Variants in TSPYL2 observed in about 807,000 individuals in gnomAD.
TSPYL2 encodes the protein testis-specific Y-encoded-like protein 2.
Under a neutral mutation model 33.0 loss-of-function variants are expected in TSPYL2, and 9 were observed. The observed-to-expected ratio is 0.27, with a 90% CI of 0.16 to 0.48. The LOEUF is 0.48. TSPYL2 is among the 20% of genes least tolerant of loss of function. The pLI, the probability that TSPYL2 is intolerant of heterozygous loss-of-function variation, is 0.99. For missense variants in TSPYL2, 636 were observed against 586.2 expected (o/e 1.08, Z -0.88); for synonymous variants, 330 against 233.6 (o/e 1.41, Z -3.77).
At position 53,083,043 on chromosome X, in the gene TSPYL2, G is replaced by A; in HGVS notation, c.545G>A (p.Ser182Asn). Residue 182 changes from serine (S) to asparagine (N), a missense_variant, in exon 1 of 7, where the codon AGT becomes AAT. This residue lies in a region of TSPYL2 where 231 missense variants were observed against 201.6 expected (regional missense o/e 1.15). Coordinates refer to ENST00000375442, the MANE Select transcript of TSPYL2 (RefSeq NM_022117.4). ...GATGAGGATGAGGATGAGCGGGAGA[G>A]TATGAGGAGCAGCAGGAGGCGGCGG... ...VEDEDEDERE[S>N]MRSSRRRRRR... 8.3e-7 allele frequency: 1 copy of A among 1,206,524 alleles called. No homozygotes were observed. Among genetic ancestry groups the A allele is most frequent in the Non-Finnish European group, 1.1e-6 (1 of 892,495 alleles).
intron 6 of TSPYL2, chrX:53,087,564 T>G (rs1217786038): frequency 1.9e-5 from 8 of 420,198 alleles, no homozygotes; most frequent in South Asian, 4.0e-5. Flanking sequence ...CACACTGCCT[T>G]CCTGCCTCCC....
rs1932722094 is a variant in TSPYL2, at chrX:53,084,784, C to T, written c.915C>T (p.Gly305=). ...QVQDLRHISM[G]YKMKLYFQTN... ...AGGATCTCAGACATATCTCCATGGG[C>T]TACAAAATGAAGCTGTACTTCCAGA... The change falls in exon 3 of 7, where the codon GGC becomes GGT. Residue 305 remains glycine (G), a synonymous_variant. Coordinates refer to ENST00000375442, the MANE Select transcript of TSPYL2 (RefSeq NM_022117.4). 8.3e-7 allele frequency: 1 copy of T among 1,210,970 alleles called. No homozygotes were observed. Among genetic ancestry groups the T allele is most frequent in the Non-Finnish European group, 1.1e-6 (1 of 895,120 alleles).
rs782707868 is a variant in TSPYL2, at chrX:53,083,066, C to T, written c.568C>T (p.Arg190Trp). The change falls in exon 1 of 7, where the codon CGG (arginine) becomes TGG (tryptophan). Residue 190 changes from arginine to tryptophan, a missense_variant. Around this residue, in one of 3 missense-constraint regions of TSPYL2, gnomAD observed 231 missense variants for 201.6 expected, o/e 1.15. Coordinates refer to ENST00000375442, the MANE Select transcript of TSPYL2 (RefSeq NM_022117.4). ...GAGTATGAGGAGCAGCAGGAGGCGGCGGCGGCGGCGGAGGAGGAAGCAGAG... is the reference window on the plus strand; with the variant it reads ...GAGTATGAGGAGCAGCAGGAGGCGGTGGCGGCGGCGGAGGAGGAAGCAGAG... The part of the protein sequence containing the change: ...RESMRSSRRR[R>W]RRRRRKQRKV... The T allele has an allele frequency of 1.4e-5, 17 of 1,199,116 alleles. No homozygotes were observed. Among genetic ancestry groups the T allele is most frequent in the Non-Finnish European group, 1.9e-5 (17 of 889,019 alleles).
intron 6 of TSPYL2, 42 bp from the exon 7 acceptor site, chrX:53,087,734 T>G (rs1556809132): frequency 2.6e-6 from 3 of 1,171,155 alleles, no homozygotes; most frequent in Admixed American, 4.9e-5. Flanking sequence ...CTCATCTAAC[T>G]GCCTTCCTCC....
rs1556807454 is a variant in TSPYL2 at position 53,083,080 on chromosome X, G to A, written c.582G>A (p.Arg194=). Residue 194 remains arginine, a synonymous_variant, in exon 1 of 7, where the codon AGG becomes AGA. Transcript: ENST00000375442. ...RSSRRRRRRR[R]RKQRKVKRES... Reference sequence around the variant, plus strand: ...GCAGGAGGCGGCGGCGGCGGCGGAGGAGGAAGCAGAGGAAGGTGAAGAGGG... The same window carrying A: ...GCAGGAGGCGGCGGCGGCGGCGGAGAAGGAAGCAGAGGAAGGTGAAGAGGG... 2.5e-6 allele frequency: 3 copies of A among 1,206,131 alleles called. No homozygotes were observed. The Admixed American group carries it at 6.6e-5, about 27-fold the overall frequency.
Position 53,085,041 on chromosome X carries a change from A to G in TSPYL2, c.1085A>G (p.His362Arg). The G allele has an allele frequency of 8.3e-6, 10 of 1,211,767 alleles. No individual in the cohort carries two copies. Among genetic ancestry groups the G allele is most frequent in the Non-Finnish European group, 1.1e-5 (10 of 895,415 alleles). ...ARRHGNQDAS[H>R]SFFSWFSNHS... ...CGTCACGGGAACCAGGATGCGAGCCACAGCTTTTTCAGCTGGTTCTCAAAC... is the reference window on the plus strand; with the variant it reads ...CGTCACGGGAACCAGGATGCGAGCCGCAGCTTTTTCAGCTGGTTCTCAAAC... The change falls in exon 4 of 7, where the codon CAC (histidine) becomes CGC (arginine). Residue 362 changes from histidine to arginine, a missense_variant. His to Arg is a conservative substitution (Grantham distance 29, BLOSUM62 0). Around this residue, in one of 3 missense-constraint regions of TSPYL2, gnomAD observed 401 missense variants for 363.0 expected, o/e 1.10. Transcript: ENST00000375442.
At position 53,088,320 on chromosome X, in the gene TSPYL2, A is replaced by G. The variant is rs2146703244; in HGVS notation, c.*381A>G. ...GGGGAGGGCCGCTGTGGCCTTCGTC[A>G]CAGCCGCGCAGTGCCCATGGAGGCG... is the stretch of plus-strand genomic sequence containing the variant. On this transcript the variant is annotated 3_prime_UTR_variant, in exon 7 of 7. Coordinates refer to ENST00000375442, the MANE Select transcript of TSPYL2 (RefSeq NM_022117.4). 6.3e-6 allele frequency: 1 copy of G among 157,497 alleles called. No homozygotes were observed. The highest frequency in any genetic ancestry group is 1.4e-4 in the East Asian group (1 of 7,050). The allele number at this position is 157,497 out of a possible 1,213,427, so 13.0% of individuals were successfully genotyped here.
intron 2 of TSPYL2, 33 bp from the exon 3 acceptor site, chrX:53,084,722 G>C (rs782748549): frequency 3.4e-6 from 4 of 1,184,200 alleles, no homozygotes; most frequent in African/African-American, 1.8e-5. Flanking sequence ...TTGGGGGGGG[G>C]ACAGATTCCA....
chrX:53,083,334 C>G, intron 1 of TSPYL2, 29 bp downstream of exon 1: 1 of 1,163,585 alleles, frequency 8.6e-7, no homozygotes, highest in Non-Finnish European at 1.2e-6. Flanking sequence ...CTCCGTAGGT[C>G]AGAAGCCCGT....
Position 53,087,911 on chromosome X carries a change from A to G in TSPYL2, c.2054A>G (p.Asn685Ser), listed in dbSNP as rs1050424399. The change falls in exon 7 of 7, where the codon AAT (asparagine) becomes AGT (serine). Residue 685 changes from asparagine (N) to serine (S), a missense_variant. Around this residue, in one of 3 missense-constraint regions of TSPYL2, gnomAD observed 401 missense variants for 363.0 expected, o/e 1.10. Coordinates refer to ENST00000375442, the MANE Select transcript of TSPYL2 (RefSeq NM_022117.4). ...CTTCAGGTCCCAAACGGTTGGGCCA[A>G]TCCGGGGAAGAGGGGGAAAACCGGA... ...DVLQVPNGWANPGKRGKTG is the reference protein window; with the variant it reads ...DVLQVPNGWASPGKRGKTG 5.0e-6 allele frequency: 6 copies of G among 1,211,750 alleles called. No individual in the cohort carries two copies. Among genetic ancestry groups the G allele is most frequent in the Non-Finnish European group, 3.4e-6 (3 of 895,487 alleles).
In TSPYL2 at chrX:53,084,856, C is replaced by T. The variant is rs180791714; in HGVS notation, c.987C>T (p.Arg329=). Residue 329 remains arginine (R), a synonymous_variant, in exon 3 of 7, where the codon CGC becomes CGT. Transcript: ENST00000375442. ...TNMVIVKEFQ[R]NRSGRLVSHS... ...TGGTGATTGTCAAGGAGTTCCAGCG[C>T]AACCGCTCAGGTAAGTGGCAGTACC... 8.3e-7 allele frequency: 1 copy of T among 1,208,940 alleles called. No individual in the cohort carries two copies. Among genetic ancestry groups the T allele is most frequent in the East Asian group, 3.0e-5 (1 of 33,751 alleles).
rs1556807853 is a variant in TSPYL2 at position 53,084,574 on chromosome X, G to C, written c.837G>C (p.Leu279Phe). The C allele has an allele frequency of 8.5e-7, 1 of 1,177,577 alleles. No homozygotes were observed. Among genetic ancestry groups the C allele is most frequent in the Admixed American group, 2.4e-5 (1 of 42,301 alleles). The stretch of plus-strand genomic sequence containing the variant: ...TCAACCACCCCAGAATTTCAATTTT[G>C]ATCAACCGACGTGATGAAGACATTT... ...AFLNHPRISILINRRDEDIFR... is the reference protein window; with the variant it reads ...AFLNHPRISIFINRRDEDIFR... The change falls in exon 2 of 7, where the codon TTG becomes TTC. Residue 279 changes from leucine (L) to phenylalanine (F), a missense_variant. By Grantham distance (22) the Leu-to-Phe change is conservative (BLOSUM62 0). Coordinates refer to ENST00000375442, the MANE Select transcript of TSPYL2 (RefSeq NM_022117.4).
chrX:53,084,604 C>T lies in TSPYL2; in HGVS notation c.867C>T (p.Arg289=), dbSNP rs781935245. 1 of 1,196,641 alleles carries T rather than the reference C, an allele frequency of 8.4e-7. No homozygotes were observed. Among genetic ancestry groups the T allele is most frequent in the East Asian group, 3.0e-5 (1 of 33,679 alleles). Residue 289 remains arginine, a synonymous_variant, in exon 2 of 7, where the codon CGC becomes CGT. Transcript: ENST00000375442. ...LINRRDEDIF[R]YLTNLQVQDL... ...ACCGACGTGATGAAGACATTTTCCG[C>T]TACTTGACCAATCTGCAGGTCAGGC...
rs1556808347 is a variant in TSPYL2 at position 53,085,706 on chromosome X, C to T, written c.1314C>T (p.Ser438=). The stretch of plus-strand genomic sequence containing the variant: ...ATTATGCAGTGGAAGACATTTTCAG[C>T]GAGATCTCAGACATTGATGAGACAA... The part of the protein sequence containing the change: ...PDYYAVEDIF[S]EISDIDETIH... The change falls in exon 6 of 7, where the codon AGC becomes AGT. Residue 438 remains serine, a synonymous_variant. Transcript: ENST00000375442. The T allele has an allele frequency of 2.5e-6, 3 of 1,211,472 alleles. No individual in the cohort carries two copies. The highest frequency in any genetic ancestry group is 3.5e-5 in the South Asian group (2 of 56,984).
At chrX:53,084,473 G>C in intron 1 of TSPYL2, 72 bp from the exon 2 acceptor site, 4 of 912,596 alleles carry the variant, frequency 4.4e-6, no homozygotes, top group Non-Finnish European at 3.1e-6. Context: ...CTCTTACTGT[G>C]CCCTTCCTGG....
At chrX:53,087,380 C>A (rs1556809015) in intron 6 of TSPYL2, 1 of 126,794 alleles carries the variant, frequency 7.9e-6, no homozygotes, top group Non-Finnish European at 1.6e-5. Flanking sequence ...GGTTGCAGAA[C>A]ACAAACTAGG....
rs782014670 is a variant in TSPYL2 at position 53,085,937 on chromosome X, C to T, written c.1545C>T (p.Asn515=). ...ACAATGAGAGTGCAGATGACAACAA[C>T]GAGAATCCTGAAGACAATAACAAGA... ...TDNNESADDN[N]ENPEDNNKNT... Residue 515 remains asparagine, a synonymous_variant, in exon 6 of 7, where the codon AAC becomes AAT. Coordinates refer to ENST00000375442, the MANE Select transcript of TSPYL2 (RefSeq NM_022117.4). 14 of 1,206,962 alleles carry T rather than the reference C, an allele frequency of 1.2e-5. No individual in the cohort carries two copies. Among genetic ancestry groups the T allele is most frequent in the South Asian group, 1.8e-5 (1 of 56,366 alleles).
In TSPYL2 at chrX:53,083,898, A is replaced by G. The variant is rs193300547; in HGVS notation, c.807+593A>G. Among the ~76,000 whole-genome samples the G allele has an allele frequency of 3.6e-5, 4 of 112,038 alleles. No individual in the cohort carries two copies. In the East Asian group the frequency reaches 1.1e-3, roughly 31 times the overall value. Reference sequence around the variant, plus strand: ...GAGAGGGAGTGTCTAGGTATAGAGAAAAAGGAGTTAAATGAAGGAAAGGGG... The same window carrying G: ...GAGAGGGAGTGTCTAGGTATAGAGAGAAAGGAGTTAAATGAAGGAAAGGGG... On this transcript the variant is annotated intron_variant, in intron 1 of 6. Transcript: ENST00000375442.
At chrX:53,083,525 G>A (rs1218969847) in intron 1 of TSPYL2, among the ~76,000 whole-genome samples, 4 of 106,153 alleles carry the variant, frequency 3.8e-5, no homozygotes, top group African/African-American at 1.4e-4. Flanking sequence ...GAGGGGGGGC[G>A]GACATAAAAA....
Sources: gnomAD v4.1 joint callset for allele counts (sites outside exome capture counted in the v4.1 genomes callset) on GRCh38, gnomAD v4.1.1 for gene constraint, gnomAD v4.1.1 regional missense constraint, MANE v1.5 for transcripts, NCBI Gene and HGNC (gene_info 2026-07-23, HGNC 2026-07-21) for gene names.